PLPPR1: variants seen among roughly 807,000 people sequenced by gnomAD.
PLPPR1 encodes the protein phospholipid phosphatase related 1, also known as phospholipid phosphatase-related protein type 1.
A neutral mutation model predicts 33.1 loss-of-function variants in PLPPR1; 10 were observed. That is an observed-to-expected ratio of 0.30 (90% CI 0.19 to 0.51). PLPPR1 has a LOEUF of 0.51. Ranked by LOEUF, PLPPR1 falls within the 20% of genes least tolerant of loss-of-function variation. The probability of loss-of-function intolerance (pLI) is 0.97; values close to 1 mark genes in which losing one functional copy is unlikely to be tolerated. For missense variants in PLPPR1, 304 were observed against 408.1 expected (o/e 0.74, Z 2.20); for synonymous variants, 151 against 151.0 (o/e 1.00, Z 0.00).
At chr9:101,142,695 T>G (rs1831466663) in intron 1 of PLPPR1, among the ~76,000 whole-genome samples, 1 of 152,202 alleles carries the variant, frequency 6.6e-6, no homozygotes, top group Non-Finnish European at 1.5e-5. Context: ...TCTGTCTCCT[T>G]TTTTCATTTT....
intron 1 of PLPPR1, among the ~76,000 whole-genome samples, chr9:101,069,637 T>C (rs1830460176): frequency 6.6e-6 from 1 of 152,062 alleles, no homozygotes. Flanking sequence ...GGGTGGAGTA[T>C]TGTTGGTGGG....
At chr9:101,303,544 G>C (rs941463179) in intron 4 of PLPPR1, among the ~76,000 whole-genome samples, 1 of 151,770 alleles carries the variant, frequency 6.6e-6, no homozygotes, top group African/African-American at 2.4e-5. Context: ...CAGGTGATCC[G>C]CCTGCCTCGG....
intron 1 of PLPPR1, among the ~76,000 whole-genome samples, chr9:101,077,233 A>G (rs138295851): frequency 2.0e-5 from 3 of 152,082 alleles, no homozygotes; most frequent in Admixed American, 6.6e-5. Context: ...TTATGCCCCT[A>G]TCTCTTCTTA....
At chr9:101,287,280 T>A (rs775055831) in intron 4 of PLPPR1, among the ~76,000 whole-genome samples, 18 of 152,214 alleles carry the variant, frequency 1.2e-4, no homozygotes, top group Non-Finnish European at 2.5e-4. Context: ...GCAATTGGCT[T>A]ACAGGGTATA....
At chr9:101,220,152 G>C (rs902053433) in intron 2 of PLPPR1, among the ~76,000 whole-genome samples, 1 of 152,124 alleles carries the variant, frequency 6.6e-6, no homozygotes, top group Non-Finnish European at 1.5e-5. Flanking sequence ...CCCACTAAAT[G>C]CCTTGAGTTG....
rs559669941 is a variant in PLPPR1 at position 101,218,624 on chromosome 9, A to ATTGTT, written c.63+33068_63+33072dup. 3.1e-4 allele frequency among the ~76,000 whole-genome samples: 47 copies of ATTGTT among 152,296 alleles called. No homozygotes were observed. The South Asian group carries it at 9.5e-3, about 31-fold the overall frequency. On this transcript the variant is annotated intron_variant, in intron 2 of 7. Transcript: ENST00000374874. ...AGTAAGCTTTCAAATGGTAGCTATT[A>ATTGTT]TTGTTATTATTACTATTTTTATTAG...
At chr9:101,090,177 C>T (rs993982707) in intron 1 of PLPPR1, among the ~76,000 whole-genome samples, 12 of 152,080 alleles carry the variant, frequency 7.9e-5, no homozygotes, top group Admixed American at 1.3e-4. Flanking sequence ...TTTTATATAA[C>T]GACATGAGCC....
chr9:101,092,718 C>T (rs1465015336), intron 1 of PLPPR1, among the ~76,000 whole-genome samples: 1 of 152,276 alleles, frequency 6.6e-6, no homozygotes, highest in East Asian at 1.9e-4. Context: ...TCTTCCTTGA[C>T]TTCCATCTTA....
intron 7 of PLPPR1, among the ~76,000 whole-genome samples, chr9:101,322,960 C>A (rs1200044598): frequency 6.6e-6 from 1 of 151,986 alleles, no homozygotes; most frequent in African/African-American, 2.4e-5. Flanking sequence ...TTTTCTCTAG[C>A]CAAAAAAGTT....
At chr9:101,213,032 C>T (rs1023524865) in intron 2 of PLPPR1, among the ~76,000 whole-genome samples, 3 of 152,126 alleles carry the variant, frequency 2.0e-5, no homozygotes, top group Non-Finnish European at 4.4e-5. Flanking sequence ...GAAGTGAATG[C>T]TATTATTGCC....
At chr9:101,106,051 G>A (rs1237233065) in intron 1 of PLPPR1, among the ~76,000 whole-genome samples, 1 of 151,260 alleles carries the variant, frequency 6.6e-6, no homozygotes, top group East Asian at 1.9e-4. Flanking sequence ...GTCTCTGCAT[G>A]TGAGATGGGT....
chr9:101,077,899 C>T (rs1254674461), intron 1 of PLPPR1, among the ~76,000 whole-genome samples: 1 of 151,736 alleles, frequency 6.6e-6, no homozygotes, highest in African/African-American at 2.4e-5. Context: ...GTACCACTAT[C>T]CACTACAGTT....
chr9:101,180,491 A>G (rs1826091267), intron 1 of PLPPR1, among the ~76,000 whole-genome samples: 1 of 151,832 alleles, frequency 6.6e-6, no homozygotes, highest in African/African-American at 2.4e-5. Context: ...TTAAAAATCT[A>G]TAAGCTATAA....
intron 1 of PLPPR1, among the ~76,000 whole-genome samples, chr9:101,182,954 G>A (rs117077276): frequency 0.019 from 2,878 of 151,538 alleles, 31 homozygotes; most frequent in African/African-American, 0.032. Flanking sequence ...ATCATTTCAC[G>A]CCCAGTAGAA....
chr9:101,042,676 A>G (rs1257522326), intron 1 of PLPPR1, among the ~76,000 whole-genome samples: 1 of 152,246 alleles, frequency 6.6e-6, no homozygotes, highest in African/African-American at 2.4e-5. Flanking sequence ...AGGAATTCCT[A>G]TAACTTAAGT....
intron 2 of PLPPR1, among the ~76,000 whole-genome samples, chr9:101,236,283 A>G (rs1827297144): frequency 6.6e-6 from 1 of 151,764 alleles, no homozygotes; most frequent in Admixed American, 6.6e-5. Flanking sequence ...CCAAATACCT[A>G]TTGGACCAAT....
chr9:101,290,775 T>G (rs1828483276), intron 4 of PLPPR1, among the ~76,000 whole-genome samples: 1 of 152,194 alleles, frequency 6.6e-6, no homozygotes, highest in Non-Finnish European at 1.5e-5. Context: ...GTTAAAACAC[T>G]ATGAATCCGA....
intron 1 of PLPPR1, among the ~76,000 whole-genome samples, chr9:101,065,585 G>A (rs1381321628): frequency 6.6e-6 from 1 of 152,006 alleles, no homozygotes; most frequent in African/African-American, 2.4e-5. Flanking sequence ...CAAGCATTCT[G>A]GGATGCTGCT....
At chr9:101,170,115 C>T (rs1456698807) in intron 1 of PLPPR1, among the ~76,000 whole-genome samples, 1 of 152,016 alleles carries the variant, frequency 6.6e-6, no homozygotes, top group African/African-American at 2.4e-5. Flanking sequence ...TACTATGTGC[C>T]AAGCACTGTA....
Sources: allele counts gnomAD v4.1 joint callset (sites outside exome capture counted in the v4.1 genomes callset), GRCh38; gene constraint gnomAD v4.1.1; transcripts MANE v1.5; gene names NCBI Gene and HGNC (gene_info 2026-07-23, HGNC 2026-07-21).